SDK1: variants seen among roughly 807,000 people sequenced by gnomAD.
SDK1 encodes sidekick cell adhesion molecule 1, also known as protein sidekick-1.
A neutral mutation model predicts 245.5 loss-of-function variants in SDK1; 157 were observed. The observed-to-expected ratio is 0.64, with a 90% CI of 0.56 to 0.73. SDK1 has a LOEUF of 0.73. SDK1 is among the 30% of genes least tolerant of loss of function. SDK1 has a pLI of 0.00. For synonymous variants in SDK1, 1,647 were observed against 1,278.5 expected, an observed-to-expected ratio of 1.29 and a Z score of -6.15; for missense variants, 3,583 against 3,002.3, an observed-to-expected ratio of 1.19 and a Z score of -4.52.
At chr7:3,610,000 A>T (rs1254806863) in intron 1 of SDK1, among the ~76,000 whole-genome samples, 1 of 152,174 alleles carries the variant, frequency 6.6e-6, no homozygotes, top group Non-Finnish European at 1.5e-5. Flanking sequence ...CATACCTGGC[A>T]TAGAGCTGGG....
At chr7:3,368,248 A>G (rs1410522545) in intron 1 of SDK1, among the ~76,000 whole-genome samples, 1 of 152,200 alleles carries the variant, frequency 6.6e-6, no homozygotes, top group Non-Finnish European at 1.5e-5. Flanking sequence ...TTACAAACAG[A>G]AGAAAGTGTT....
At chr7:3,411,328 A>T (rs147842050) in intron 1 of SDK1, among the ~76,000 whole-genome samples, 1 of 152,232 alleles carries the variant, frequency 6.6e-6, no homozygotes, top group African/African-American at 2.4e-5. Context: ...TTGGAGTCAC[A>T]TTTTGGTGTT....
rs572281842 is a variant in SDK1 at position 3,549,259 on chromosome 7, G to A, written c.299-69821G>A. On this transcript the variant is annotated intron_variant, in intron 1 of 44. Coordinates refer to ENST00000404826, the MANE Select transcript of SDK1 (RefSeq NM_152744.4). ...TCTCTATGAGTTATAGTCTTCCTGT[G>A]AGGATGCGTTGTTTTTGTGGAAGGC... Among the ~76,000 whole-genome samples the A allele has an allele frequency of 2.0e-5, 3 of 152,310 alleles. No individual in the cohort carries two copies. The South Asian group carries it at 6.2e-4, about 32-fold the overall frequency.
chr7:3,788,266 A>G (rs1055655895), intron 4 of SDK1, among the ~76,000 whole-genome samples: 2 of 152,194 alleles, frequency 1.3e-5, no homozygotes, highest in African/African-American at 4.8e-5. Flanking sequence ...CACGCTTGTC[A>G]GAACAGCAGA....
chr7:3,602,757 T>C (rs903467459), intron 1 of SDK1, among the ~76,000 whole-genome samples: 11 of 152,212 alleles, frequency 7.2e-5, no homozygotes, highest in African/African-American at 2.7e-4. Flanking sequence ...TGCCTGTGCC[T>C]ATGTCCTCAA....
At position 3,459,662 on chromosome 7, in the gene SDK1, A is replaced by C. The variant is rs374875154; in HGVS notation, c.298+157778A>C. On this transcript the variant is annotated intron_variant, in intron 1 of 44. Coordinates refer to ENST00000404826, the MANE Select transcript of SDK1 (RefSeq NM_152744.4). Reference sequence around the variant, plus strand: ...AAATGCTTTTCTAAGTCCCCACCCCATAAATTGCTTCGTCGCATATTGTTG... The same window carrying C: ...AAATGCTTTTCTAAGTCCCCACCCCCTAAATTGCTTCGTCGCATATTGTTG... Among the ~76,000 whole-genome samples the C allele has an allele frequency of 3.9e-5, 6 of 152,342 alleles. No homozygotes were observed. The South Asian group carries it at 6.2e-4, about 16-fold the overall frequency.
chr7:3,800,672 C>T (rs1038848724), intron 4 of SDK1, among the ~76,000 whole-genome samples: 9 of 152,192 alleles, frequency 5.9e-5, no homozygotes, highest in Middle Eastern at 6.8e-3. Context: ...GCTCGGCTGC[C>T]GTCTTTTATT....
chr7:3,817,168 A>G (rs1477167223), intron 4 of SDK1, among the ~76,000 whole-genome samples: 2 of 152,288 alleles, frequency 1.3e-5, no homozygotes, highest in African/African-American at 2.4e-5. Context: ...AAGCCAACGG[A>G]TGGGTTACAG....
At chr7:4,237,459 GGACCATGGGA>G (rs1421020507) in intron 41 of SDK1, among the ~76,000 whole-genome samples, 178 bp from the exon 42 acceptor site, 1 of 152,006 alleles carries the variant, frequency 6.6e-6, no homozygotes, top group African/African-American at 2.4e-5. Flanking sequence ...AGCCTGCTGA[GGACCATGGGA>G]GCCTCCTGAG....
At chr7:4,157,429 G>A (rs1780814339) in intron 30 of SDK1, among the ~76,000 whole-genome samples, 1 of 75,648 alleles carries the variant, frequency 1.3e-5, no homozygotes, top group Non-Finnish European at 2.8e-5. Context: ...AGGGAAGGAA[G>A]GCAAGAGAAA....
intron 1 of SDK1, among the ~76,000 whole-genome samples, chr7:3,337,277 G>T (rs1780226481): frequency 6.6e-6 from 1 of 151,992 alleles, no homozygotes; most frequent in Non-Finnish European, 1.5e-5. Context: ...TAAAAATACT[G>T]AATGGGCTCA....
rs182948225 is a variant in SDK1, at chr7:4,236,121, C to T, written c.5993-1526C>T. 2.0e-3 allele frequency among the ~76,000 whole-genome samples: 310 copies of T among 152,322 alleles called. 1 individual carries two copies. The highest frequency in any genetic ancestry group is 3.5e-3 in the Non-Finnish European group (239 of 68,022). On this transcript the variant is annotated intron_variant, in intron 41 of 44. Coordinates refer to ENST00000404826, the MANE Select transcript of SDK1 (RefSeq NM_152744.4). ...GTTCTTCTTCCCGGTGTGCACACAT[C>T]CCCTATTCGTGAGATATAGGATAGA...
At chr7:3,883,095 C>G (rs899497649) in intron 5 of SDK1, among the ~76,000 whole-genome samples, 1 of 152,146 alleles carries the variant, frequency 6.6e-6, no homozygotes, top group Non-Finnish European at 1.5e-5. Context: ...CTACTGGTTT[C>G]TACAGAGCCC....
chr7:3,862,353 C>T (rs140671060), intron 5 of SDK1, among the ~76,000 whole-genome samples: 6 of 152,320 alleles, frequency 3.9e-5, no homozygotes, highest in South Asian at 2.1e-4. Context: ...GTTCAGACAG[C>T]ATTTCCAGGC....
chr7:3,690,096 C>T (rs1250964357), intron 4 of SDK1, among the ~76,000 whole-genome samples: 1 of 152,172 alleles, frequency 6.6e-6, no homozygotes, highest in Non-Finnish European at 1.5e-5. Context: ...TGTTCTTAGG[C>T]ATGTTTATGA....
chr7:3,323,415 G>A (rs1188152157), intron 1 of SDK1, among the ~76,000 whole-genome samples: 1 of 152,160 alleles, frequency 6.6e-6, no homozygotes, highest in Non-Finnish European at 1.5e-5. Flanking sequence ...GAAAATATGT[G>A]GTAACATTGG....
At chr7:3,696,929 G>A (rs1182959979) in intron 4 of SDK1, among the ~76,000 whole-genome samples, 3 of 151,620 alleles carry the variant, frequency 2.0e-5, no homozygotes, top group Admixed American at 6.6e-5. Context: ...AAACTCATAA[G>A]TAATACGGTT....
intron 1 of SDK1, among the ~76,000 whole-genome samples, chr7:3,457,441 A>G (rs1033603684): frequency 2.0e-5 from 3 of 151,820 alleles, no homozygotes; most frequent in Admixed American, 1.3e-4. Context: ...ATCTCCCTTT[A>G]CCTTCCCACT....
intron 30 of SDK1, among the ~76,000 whole-genome samples, chr7:4,156,717 C>T (rs1780759704): frequency 6.6e-6 from 1 of 152,196 alleles, no homozygotes; most frequent in East Asian, 1.9e-4. Flanking sequence ...ATGACCCAGG[C>T]CGAATGCATA....
Sources: allele counts gnomAD v4.1 joint callset (sites outside exome capture counted in the v4.1 genomes callset), GRCh38; gene constraint gnomAD v4.1.1; transcripts MANE v1.5; gene names NCBI Gene and HGNC (gene_info 2026-07-23, HGNC 2026-07-21).